Variants in SPATS2L observed in about 807,000 individuals in gnomAD.
SPATS2L encodes spermatogenesis associated serine rich 2 like, also known as SPATS2-like protein.
A neutral mutation model predicts 59.6 loss-of-function variants in SPATS2L; 30 were observed. The ratio of observed to expected loss-of-function variants is 0.50; its 90% CI spans 0.38 to 0.68. The LOEUF (loss-of-function observed/expected upper bound fraction) is 0.68. SPATS2L is among the 30% of genes least tolerant of loss of function. The probability of loss-of-function intolerance (pLI) is 0.00; values close to 1 mark genes in which losing one functional copy is unlikely to be tolerated. For synonymous variants in SPATS2L, 252 were observed against 263.5 expected (o/e 0.96, Z 0.42); for missense variants, 615 against 700.0 (o/e 0.88, Z 1.37).
In SPATS2L at chr2:200,389,226, C is replaced by G; in HGVS notation, c.-19C>G. On this transcript the variant is annotated 5_prime_UTR_variant, in exon 3 of 13. Coordinates refer to ENST00000409140, the MANE Select transcript of SPATS2L (RefSeq NM_001100423.2). The stretch of plus-strand genomic sequence containing the variant: ...ATCTTGTTTTCCTTCTTTATAGGGC[C>G]TATTCCACTAGAAGCAAGATGGCTG... The G allele has an allele frequency of 6.4e-7, 1 of 1,566,758 alleles. No individual in the cohort carries two copies. Among genetic ancestry groups the G allele is most frequent in the South Asian group, 1.2e-5 (1 of 85,068 alleles).
At chr2:200,387,128 G>T (rs1313184319) in intron 2 of SPATS2L, among the ~76,000 whole-genome samples, 1 of 152,194 alleles carries the variant, frequency 6.6e-6, no homozygotes, top group Non-Finnish European at 1.5e-5. Flanking sequence ...TTACAAACGA[G>T]TAACTTTCAG....
chr2:200,470,087 A>G, intron 11 of SPATS2L, 71 bp downstream of exon 11: 1 of 1,302,140 alleles, frequency 7.7e-7, no homozygotes, highest in South Asian at 1.3e-5. Flanking sequence ...GCTATTGGAA[A>G]TGTCAGGTGT....
At chr2:200,457,351 T>C (rs2085918036) in intron 8 of SPATS2L, among the ~76,000 whole-genome samples, 1 of 152,144 alleles carries the variant, frequency 6.6e-6, no homozygotes, top group Admixed American at 6.5e-5. Context: ...CGGCATTTCA[T>C]ACAATTACTG....
intron 9 of SPATS2L, chr2:200,460,776 A>G (rs1395009857): frequency 6.6e-6 from 1 of 151,908 alleles, no homozygotes; most frequent in Non-Finnish European, 1.5e-5. Context: ...AATAAGATTA[A>G]TAATTCAAAA....
At chr2:200,438,190 T>C (rs1481488310) in intron 6 of SPATS2L, among the ~76,000 whole-genome samples, 5 of 152,132 alleles carry the variant, frequency 3.3e-5, no homozygotes, top group Non-Finnish European at 7.4e-5. Flanking sequence ...TGTGTTCTGT[T>C]TGAGTGCAAG....
intron 2 of SPATS2L, among the ~76,000 whole-genome samples, chr2:200,334,670 A>G (rs1045427641): frequency 1.3e-5 from 2 of 151,830 alleles, no homozygotes; most frequent in Non-Finnish European, 2.9e-5. Context: ...TCTTTAATCC[A>G]TCTTGAATTG....
chr2:200,321,185 T>C (rs773319366), intron 1 of SPATS2L, among the ~76,000 whole-genome samples: 7 of 152,198 alleles, frequency 4.6e-5, no homozygotes, highest in Non-Finnish European at 8.8e-5. Flanking sequence ...TATTTGTGTG[T>C]TTTAAACTAG....
intron 11 of SPATS2L, among the ~76,000 whole-genome samples, chr2:200,470,355 A>G (rs987796153): frequency 3.3e-5 from 5 of 152,216 alleles, no homozygotes; most frequent in African/African-American, 1.2e-4. Context: ...CGTTAGGCAG[A>G]GAGAGTGAGT....
intron 2 of SPATS2L, among the ~76,000 whole-genome samples, chr2:200,375,030 T>C (rs144393563): frequency 2.2e-4 from 33 of 152,306 alleles, no homozygotes; most frequent in Non-Finnish European, 4.6e-4. Flanking sequence ...TCCCCCAGTG[T>C]GAGTTGAGCC....
intron 2 of SPATS2L, among the ~76,000 whole-genome samples, chr2:200,359,931 G>T (rs1180605477): frequency 6.6e-6 from 1 of 152,118 alleles, no homozygotes; most frequent in Non-Finnish European, 1.5e-5. Flanking sequence ...TAGACCAGTG[G>T]GCTCCAAAGT....
In SPATS2L at chr2:200,439,203, G is replaced by A; in HGVS notation, c.527G>A (p.Gly176Asp). 1 of 1,613,630 alleles carries A rather than the reference G, an allele frequency of 6.2e-7. No homozygotes were observed. Among genetic ancestry groups the A allele is most frequent in the Non-Finnish European group, 8.5e-7 (1 of 1,179,668 alleles). The change falls in exon 7 of 13, where the codon GGC becomes GAC. Residue 176 changes from glycine (G) to aspartate (D), a missense_variant. Around this residue, in one of 3 missense-constraint regions of SPATS2L, gnomAD observed 227 missense variants for 257.4 expected, o/e 0.88. Transcript: ENST00000409140. ...CATGGAACAACAGAGAGGTCAGATG[G>A]CCTACAGTGGTCAGCTGAGCAGCCT... Reference protein sequence around the residue: ...PIHGTTERSDGLQWSAEQPCN... With the variant: ...PIHGTTERSDDLQWSAEQPCN...
intron 10 of SPATS2L, among the ~76,000 whole-genome samples, chr2:200,468,356 A>ACACACACACACACACAC: frequency 6.7e-6 from 1 of 148,836 alleles, no homozygotes; most frequent in South Asian, 2.1e-4. Context: ...CTACACACAC[A>ACACACACACACACACAC]CACACACACA....
At chr2:200,424,845 G>A (rs1215546846) in intron 6 of SPATS2L, among the ~76,000 whole-genome samples, 4 of 152,210 alleles carry the variant, frequency 2.6e-5, no homozygotes, top group East Asian at 1.9e-4. Context: ...CCCAGCAGCC[G>A]GCCTTTATGT....
At chr2:200,315,289 T>C (rs990563099) in intron 1 of SPATS2L, among the ~76,000 whole-genome samples, 1 of 152,164 alleles carries the variant, frequency 6.6e-6, no homozygotes, top group African/African-American at 2.4e-5. Flanking sequence ...ACATGTACAA[T>C]GGGCATAGTG....
chr2:200,445,131 C>T (rs945860519), intron 8 of SPATS2L, among the ~76,000 whole-genome samples: 19 of 151,684 alleles, frequency 1.3e-4, no homozygotes, highest in Non-Finnish European at 2.4e-4. Flanking sequence ...GGCAACACAG[C>T]GAGACCTTGT....
At chr2:200,364,502 G>A (rs1022033728) in intron 2 of SPATS2L, among the ~76,000 whole-genome samples, 5 of 152,160 alleles carry the variant, frequency 3.3e-5, no homozygotes, top group Non-Finnish European at 5.9e-5. Context: ...TAATGTCAGT[G>A]GCAACTGTCA....
At chr2:200,352,689 T>G (rs2080782751) in intron 2 of SPATS2L, among the ~76,000 whole-genome samples, 1 of 152,142 alleles carries the variant, frequency 6.6e-6, no homozygotes, top group Non-Finnish European at 1.5e-5. Flanking sequence ...AGTAACTCAG[T>G]GCCAGCACAC....
chr2:200,416,441 T>C lies in SPATS2L; in HGVS notation c.198+13T>C, dbSNP rs759942911. The C allele has an allele frequency of 1.4e-6, 2 of 1,382,216 alleles. No individual in the cohort carries two copies. Among genetic ancestry groups the C allele is most frequent in the South Asian group, 1.5e-5 (1 of 66,332 alleles). 85.6% of individuals were successfully genotyped at this position (1,382,216 alleles called of 1,614,324 possible). On this transcript the variant is annotated intron_variant, in intron 5 of 12. Coordinates refer to ENST00000409140, the MANE Select transcript of SPATS2L (RefSeq NM_001100423.2). ...AGGAAAAAAGAAGGTAAGATTAATA[T>C]TGATTGTAAATTGGTAACATCTTCA...
chr2:200,333,308 A>G (rs1247748556), intron 2 of SPATS2L, among the ~76,000 whole-genome samples: 2 of 150,676 alleles, frequency 1.3e-5, no homozygotes, highest in African/African-American at 4.9e-5. Context: ...AGAGAGAGAA[A>G]GAAAAGACAC....
Sources: gnomAD v4.1 joint callset for allele counts (sites outside exome capture counted in the v4.1 genomes callset) on GRCh38, gnomAD v4.1.1 for gene constraint, gnomAD v4.1.1 regional missense constraint, MANE v1.5 for transcripts, NCBI Gene and HGNC (gene_info 2026-07-23, HGNC 2026-07-21) for gene names.